C8orf34: variants seen among roughly 807,000 people sequenced by gnomAD.
The protein encoded by C8orf34 is chromosome 8 open reading frame 34.
A neutral mutation model predicts 68.3 loss-of-function variants in C8orf34; 65 were observed. The ratio of observed to expected loss-of-function variants is 0.95; its 90% CI spans 0.78 to 1.17. The LOEUF is 1.17. Among genes scored for constraint, C8orf34 ranks in the 50% most tolerant of loss-of-function variants. C8orf34 has a pLI of 0.00. For missense variants in C8orf34, 664 were observed against 655.4 expected, an observed-to-expected ratio of 1.01 and a Z score of -0.14; for synonymous variants, 244 against 241.2, an observed-to-expected ratio of 1.01 and a Z score of -0.11.
At chr8:68,749,717 G>C (rs1215831771) in intron 10 of C8orf34, among the ~76,000 whole-genome samples, 1 of 152,092 alleles carries the variant, frequency 6.6e-6, no homozygotes, top group Admixed American at 6.6e-5. Flanking sequence ...TTTAGGTCTG[G>C]CCTCTTTCAC....
At chr8:68,774,172 G>C (rs1038784472) in intron 10 of C8orf34, among the ~76,000 whole-genome samples, 1 of 152,022 alleles carries the variant, frequency 6.6e-6, no homozygotes, top group Non-Finnish European at 1.5e-5. Context: ...AAGGAGAAAG[G>C]ATGATTAGCA....
chr8:68,559,069 A>G (rs1017577232), intron 7 of C8orf34, among the ~76,000 whole-genome samples: 1 of 152,176 alleles, frequency 6.6e-6, no homozygotes, highest in Non-Finnish European at 1.5e-5. Flanking sequence ...CAGGAAACCA[A>G]TGAGAGTGAA....
chr8:68,509,772 G>A (rs1244449257), intron 5 of C8orf34, among the ~76,000 whole-genome samples: 2 of 152,068 alleles, frequency 1.3e-5, no homozygotes, highest in Admixed American at 1.3e-4. Flanking sequence ...GGGAGAGAAG[G>A]AAGAGCATCC....
rs543899809 is a variant in C8orf34, at chr8:68,421,426, GC to G, written c.328-18072del. On this transcript the variant is annotated intron_variant, in intron 1 of 13. Transcript: ENST00000518698. The stretch of plus-strand genomic sequence containing the variant: ...AAAACAAAATGAAACAAGAGCAAAA[GC>G]TTGCTTTCTCTTGCCAAAGGACCAG... Among the ~76,000 whole-genome samples, 721 of 152,296 alleles carry G rather than the reference GC, an allele frequency of 4.7e-3. 2 individuals are homozygous for G. The highest frequency in any genetic ancestry group is 0.017 in the Middle Eastern group (5 of 294).
chr8:68,491,672 C>T (rs1250912564), intron 5 of C8orf34, among the ~76,000 whole-genome samples: 1 of 152,172 alleles, frequency 6.6e-6, no homozygotes, highest in Non-Finnish European at 1.5e-5. Context: ...TAATCTTAAT[C>T]ATGCAAAGTC....
At chr8:68,598,878 G>C (rs1817621003) in intron 7 of C8orf34, among the ~76,000 whole-genome samples, 1 of 152,100 alleles carries the variant, frequency 6.6e-6, no homozygotes, top group African/African-American at 2.4e-5. Flanking sequence ...TCTGTTATGA[G>C]AGGACAAGAT....
At chr8:68,618,563 G>A (rs546073726) in intron 7 of C8orf34, among the ~76,000 whole-genome samples, 1 of 151,158 alleles carries the variant, frequency 6.6e-6, no homozygotes, top group Non-Finnish European at 1.5e-5. Context: ...TTGCTCAGGT[G>A]GTCTGAAACT....
intron 7 of C8orf34, among the ~76,000 whole-genome samples, chr8:68,567,577 C>CTTTTTTTTTTTTTT (rs1160845483): frequency 1.0e-4 from 3 of 29,792 alleles, no homozygotes; most frequent in Non-Finnish European, 1.8e-4. Flanking sequence ...TTTCATTTAT[C>CTTTTTTTTTTTTTT]TTTTTTTTTT....
At chr8:68,467,907 C>T (rs562682993) in intron 3 of C8orf34, among the ~76,000 whole-genome samples, 38 of 151,970 alleles carry the variant, frequency 2.5e-4, no homozygotes, top group Admixed American at 1.6e-3. Flanking sequence ...TTCTTTATTG[C>T]CACTATTAAA....
intron 4 of C8orf34, among the ~76,000 whole-genome samples, chr8:68,469,882 A>G (rs1176694814): frequency 6.6e-6 from 1 of 151,480 alleles, no homozygotes; most frequent in African/African-American, 2.4e-5. Context: ...TTATATATAT[A>G]TATATGCTTA....
chr8:68,771,435 A>G (rs866327931), intron 10 of C8orf34, among the ~76,000 whole-genome samples: 1 of 152,184 alleles, frequency 6.6e-6, no homozygotes, highest in South Asian at 2.1e-4. Context: ...ATAGTATGAA[A>G]TTAGGAAGTG....
chr8:68,545,709 G>A (rs1815852672), intron 7 of C8orf34, among the ~76,000 whole-genome samples: 1 of 152,116 alleles, frequency 6.6e-6, no homozygotes, highest in Admixed American at 6.6e-5. Flanking sequence ...CAGCAGACCT[G>A]CATTATAAGA....
At chr8:68,662,356 A>G (rs1819705611) in intron 8 of C8orf34, among the ~76,000 whole-genome samples, 1 of 152,178 alleles carries the variant, frequency 6.6e-6, no homozygotes, top group Non-Finnish European at 1.5e-5. Context: ...GGTACAAGAC[A>G]TTGAATTCCT....
intron 5 of C8orf34, among the ~76,000 whole-genome samples, chr8:68,500,915 G>A (rs577185594): frequency 6.6e-6 from 1 of 152,294 alleles, no homozygotes; most frequent in African/African-American, 2.4e-5. Context: ...CAGGGAGGCA[G>A]AAGAAGCTTG....
At chr8:68,451,217 C>T (rs570591478) in intron 3 of C8orf34, among the ~76,000 whole-genome samples, 1 of 152,180 alleles carries the variant, frequency 6.6e-6, no homozygotes, top group East Asian at 1.9e-4. Flanking sequence ...TGGATTAGAC[C>T]TTGGCTTAAT....
chr8:68,463,459 G>C (rs1318178381), intron 3 of C8orf34, among the ~76,000 whole-genome samples: 1 of 152,222 alleles, frequency 6.6e-6, no homozygotes, highest in Non-Finnish European at 1.5e-5. Context: ...GCATCATCCT[G>C]ATACCAAAGC....
At chr8:68,368,966 A>G (rs1344287778) in intron 1 of C8orf34, among the ~76,000 whole-genome samples, 1 of 152,208 alleles carries the variant, frequency 6.6e-6, no homozygotes, top group East Asian at 1.9e-4. Flanking sequence ...ATGTAACTTA[A>G]AATCTGAAGT....
At chr8:68,653,141 G>A (rs1819411640) in intron 8 of C8orf34, among the ~76,000 whole-genome samples, 1 of 152,184 alleles carries the variant, frequency 6.6e-6, no homozygotes, top group South Asian at 2.1e-4. Flanking sequence ...TCTTAGTGCA[G>A]TTTAAGGTTA....
intron 10 of C8orf34, among the ~76,000 whole-genome samples, chr8:68,729,497 T>G (rs1007404080): frequency 6.6e-6 from 1 of 152,198 alleles, no homozygotes; most frequent in African/African-American, 2.4e-5. Context: ...GGCCAAATAC[T>G]GTGTCTTCTT....
Sources: gnomAD v4.1 joint callset for allele counts (sites outside exome capture counted in the v4.1 genomes callset) on GRCh38, gnomAD v4.1.1 for gene constraint, MANE v1.5 for transcripts, NCBI Gene and HGNC (gene_info 2026-07-23, HGNC 2026-07-21) for gene names.